TRAPPC9: variants seen among roughly 807,000 people sequenced by gnomAD.
TRAPPC9 encodes IKK2 binding protein.
In TRAPPC9, 83 loss-of-function variants were observed where a neutral mutation model predicts 124.0. The observed-to-expected ratio is 0.67, with a 90% CI of 0.56 to 0.80. The LOEUF (loss-of-function observed/expected upper bound fraction) is 0.80. TRAPPC9 is among the 30% of genes least tolerant of loss of function. The pLI is 0.00. For missense variants in TRAPPC9, 1,302 were observed against 1,508.3 expected (o/e 0.86, Z 2.27); for synonymous variants, 638 against 617.5 (o/e 1.03, Z -0.49).
intron 17 of TRAPPC9, among the ~76,000 whole-genome samples, chr8:140,159,761 A>G (rs1358102595): frequency 3.3e-5 from 5 of 152,178 alleles, no homozygotes; most frequent in South Asian, 2.1e-4. Context: ...GGTGCAAAGC[A>G]CTGTTTCATG....
chr8:140,453,212 T>C (rs954724406), intron 1 of TRAPPC9, among the ~76,000 whole-genome samples: 4 of 152,192 alleles, frequency 2.6e-5, no homozygotes, highest in East Asian at 1.9e-4. Context: ...CTGAGGGGAT[T>C]TGGCCATGGT....
chr8:140,404,909 C>T (rs13251390), intron 6 of TRAPPC9, among the ~76,000 whole-genome samples: 5,795 of 120,004 alleles, frequency 0.048, 132 homozygotes, highest in East Asian at 0.12. Context: ...TGTGAGCATG[C>T]GTGTGTGTGT....
rs552019128 is a variant in TRAPPC9 at position 140,149,609 on chromosome 8, G to A, written c.2556+71850C>T. Among the ~76,000 whole-genome samples, 82 of 149,244 alleles carry A rather than the reference G, an allele frequency of 5.5e-4. 1 individual carries two copies. The highest frequency in any genetic ancestry group is 2.0e-3 in the African/African-American group (81 of 40,054). ...ATTGCACTCCAGCCTAAGTGACAGA[G>A]CAAGACTCCATCTCAAAAAAAAAAA... is the stretch of plus-strand genomic sequence containing the variant. On this transcript the variant is annotated intron_variant, in intron 17 of 22. Transcript: ENST00000438773.
At position 140,081,346 on chromosome 8, in the gene TRAPPC9, CT is replaced by C. The variant is rs1554620187; in HGVS notation, c.2557-57268del. Among the ~76,000 whole-genome samples, 335 of 141,050 alleles carry C rather than the reference CT, an allele frequency of 2.4e-3. 2 individuals carry two copies. Among genetic ancestry groups the C allele is most frequent in the African/African-American group, 8.0e-3 (307 of 38,498 alleles). The allele number at this position is 141,050 out of a possible 152,430, so 92.5% of individuals were successfully genotyped here. A position where few individuals can be genotyped will look rare whatever the true frequency, so the allele number is the denominator to read the frequency against. ...GTCAAGGTGAAGAATAAAATGAATG[CT>C]TTTTTTTTTTTTTTTTGAGACAGAG... On this transcript the variant is annotated intron_variant, in intron 17 of 22. Coordinates refer to ENST00000438773, the MANE Select transcript of TRAPPC9 (RefSeq NM_001160372.4).
In TRAPPC9 at chr8:139,788,717, G is replaced by A. The variant is rs376971479; in HGVS notation, c.3056-56515C>T. Among the ~76,000 whole-genome samples, 379 of 152,276 alleles carry A rather than the reference G, an allele frequency of 2.5e-3. 2 individuals carry two copies. Among genetic ancestry groups the A allele is most frequent in the African/African-American group, 7.9e-3 (328 of 41,572 alleles). On this transcript the variant is annotated intron_variant, in intron 21 of 22. Coordinates refer to ENST00000438773, the MANE Select transcript of TRAPPC9 (RefSeq NM_001160372.4). This position sits in a 1 kb window ranked among gnomAD's most constrained non-coding sequence, Gnocchi z 4.9. ...TCGAGTTACCATCACGCCTGCCTTC[G>A]TGGGCGCAGGCTGAGCACAAGGTCC...
chr8:140,191,835 A>AC (rs1278629118), intron 17 of TRAPPC9, among the ~76,000 whole-genome samples: 2 of 152,146 alleles, frequency 1.3e-5, no homozygotes, highest in East Asian at 3.9e-4. Context: ...ACCGGCTAAT[A>AC]CCCCATAGCA....
chr8:139,979,613 T>C (rs985354164), intron 19 of TRAPPC9, among the ~76,000 whole-genome samples: 7 of 152,020 alleles, frequency 4.6e-5, no homozygotes, highest in African/African-American at 1.7e-4. Flanking sequence ...CCCCGGGTGA[T>C]GACAACACAC....
At chr8:139,768,452 T>C (rs1820726056) in intron 21 of TRAPPC9, among the ~76,000 whole-genome samples, 1 of 152,200 alleles carries the variant, frequency 6.6e-6, no homozygotes, top group Non-Finnish European at 1.5e-5. Flanking sequence ...CCGACTGCGC[T>C]GGCCTGGAAG....
intron 2 of TRAPPC9, among the ~76,000 whole-genome samples, chr8:140,441,313 C>T (rs150677583): frequency 2.1e-4 from 32 of 152,040 alleles, no homozygotes; most frequent in Non-Finnish European, 3.8e-4. Context: ...TGCTCACTTC[C>T]TTGGTATGTT....
chr8:140,019,137 C>A (rs1587506514), intron 18 of TRAPPC9, among the ~76,000 whole-genome samples: 3 of 152,350 alleles, frequency 2.0e-5, no homozygotes, highest in African/African-American at 7.2e-5. Context: ...AAAACAACCT[C>A]ATACTTCTGA....
In TRAPPC9 at chr8:139,961,803, C is replaced by T. The variant is rs1487102065; in HGVS notation, c.2810+26923G>A. Among the ~76,000 whole-genome samples the T allele has an allele frequency of 1.6e-5, 2 of 124,024 alleles. 1 individual carries two copies. The highest frequency in any genetic ancestry group is 1.7e-4 in the Admixed American group (2 of 11,762). 81.4% of individuals were successfully genotyped at this position (124,024 alleles called of 152,430 possible). On this transcript the variant is annotated intron_variant, in intron 19 of 22. Coordinates refer to ENST00000438773, the MANE Select transcript of TRAPPC9 (RefSeq NM_001160372.4). ...CCATGGCTGCCTATGGACCAGTCGG[C>T]AGGCACTTCCTCGCCTGTGAGGTTT...
At chr8:140,006,101 T>A (rs1326252744) in intron 18 of TRAPPC9, among the ~76,000 whole-genome samples, 3 of 152,144 alleles carry the variant, frequency 2.0e-5, no homozygotes, top group Non-Finnish European at 4.4e-5. Flanking sequence ...GTGACAAGCC[T>A]GAGTCAACAC....
intron 21 of TRAPPC9, among the ~76,000 whole-genome samples, chr8:139,744,355 T>G (rs80288196): frequency 0.016 from 2,335 of 149,784 alleles, 58 homozygotes; most frequent in African/African-American, 0.053. Context: ...CCCTGCTCCT[T>G]TCCACCACCC....
intron 8 of TRAPPC9, among the ~76,000 whole-genome samples, chr8:140,366,756 T>C (rs1286673965): frequency 1.3e-5 from 2 of 152,180 alleles, no homozygotes. Context: ...AAACTTCTGC[T>C]CTGCAAAAGA....
chr8:140,257,184 G>A lies in TRAPPC9; in HGVS notation c.2279-4255C>T, dbSNP rs1263233386. On this transcript the variant is annotated intron_variant, in intron 15 of 22. Coordinates refer to ENST00000438773, the MANE Select transcript of TRAPPC9 (RefSeq NM_001160372.4). The surrounding 1 kb of genome is among the most constrained non-coding windows in gnomAD (Gnocchi z 4.6). ...CCAGCATTATCCACATCATATGAAT[G>A]AGCAAACTAGAGTTCAGAGAGATCA... is the stretch of plus-strand genomic sequence containing the variant. Among the ~76,000 whole-genome samples the A allele has an allele frequency of 2.0e-5, 3 of 152,206 alleles. No individual in the cohort carries two copies. Among genetic ancestry groups the A allele is most frequent in the Non-Finnish European group, 2.9e-5 (2 of 68,044 alleles).
Position 140,300,914 on chromosome 8 carries a change from G to A in TRAPPC9, c.1623-300C>T, listed in dbSNP as rs891896780. ...GTCAGAAAGGCCAGCTTGAAATCTC[G>A]CTTCACACTTACCAGCTGTGTGCCT... is the stretch of plus-strand genomic sequence containing the variant. On this transcript the variant is annotated intron_variant, in intron 10 of 22. Transcript: ENST00000438773. Among the ~76,000 whole-genome samples, 9 of 152,284 alleles carry A rather than the reference G, an allele frequency of 5.9e-5. No individual in the cohort carries two copies. In the East Asian group the frequency reaches 7.7e-4, roughly 13 times the overall value.
intron 17 of TRAPPC9, among the ~76,000 whole-genome samples, chr8:140,163,696 A>G (rs374507754): frequency 1.4e-4 from 22 of 152,290 alleles, no homozygotes; most frequent in African/African-American, 4.6e-4. Context: ...AGATTTCCCA[A>G]TAGTTATTGT....
At chr8:140,301,750 T>C (rs2065985192) in intron 10 of TRAPPC9, among the ~76,000 whole-genome samples, 1 of 152,128 alleles carries the variant, frequency 6.6e-6, no homozygotes, top group Admixed American at 6.5e-5. Flanking sequence ...CAGTAGGTTG[T>C]GAGTGGGAGC....
At chr8:140,106,161 C>T (rs1392307804) in intron 17 of TRAPPC9, among the ~76,000 whole-genome samples, 8 of 152,076 alleles carry the variant, frequency 5.3e-5, no homozygotes, top group African/African-American at 1.9e-4. Context: ...GTTGCCAGGA[C>T]GAAAGCCTCT....
Sources: allele counts gnomAD v4.1 joint callset (sites outside exome capture counted in the v4.1 genomes callset), GRCh38; gene constraint gnomAD v4.1.1; non-coding constraint Gnocchi (gnomAD v3.1); transcripts MANE v1.5; gene names NCBI Gene and HGNC (gene_info 2026-07-23, HGNC 2026-07-21).